Variants in CNTLN observed in about 807,000 individuals in gnomAD.
CNTLN encodes centlein, centrosomal protein.
In CNTLN, 212 loss-of-function variants were observed where a neutral mutation model predicts 180.0. The observed-to-expected ratio is 1.18, with a 90% CI of 1.05 to 1.32. CNTLN has a LOEUF of 1.32. Ranked by LOEUF, CNTLN falls within the 40% of genes most tolerant of loss-of-function variation. CNTLN has a pLI of 0.00. For missense variants in CNTLN, 2,095 were observed against 1,610.9 expected (o/e 1.30, Z -5.14); for synonymous variants, 722 against 563.1 (o/e 1.28, Z -3.99).
intron 5 of CNTLN, among the ~76,000 whole-genome samples, chr9:17,239,825 A>G (rs144619895): frequency 1.4e-4 from 22 of 152,264 alleles, no homozygotes; most frequent in Non-Finnish European, 1.8e-4. Flanking sequence ...TATTTGATCT[A>G]TACATCTGCC....
intron 5 of CNTLN, among the ~76,000 whole-genome samples, chr9:17,263,504 T>A (rs1351236717): frequency 6.7e-6 from 1 of 148,930 alleles, no homozygotes; most frequent in East Asian, 1.9e-4. Flanking sequence ...AATAAACATA[T>A]GTGTGCATGT....
At chr9:17,183,046 A>G (rs377148031) in intron 2 of CNTLN, among the ~76,000 whole-genome samples, 14 of 152,216 alleles carry the variant, frequency 9.2e-5, no homozygotes, top group African/African-American at 2.7e-4. Flanking sequence ...ATAGTATGAT[A>G]GAATCTGTAT....
intron 6 of CNTLN, among the ~76,000 whole-genome samples, chr9:17,293,792 G>A (rs1010855930): frequency 6.6e-6 from 1 of 152,124 alleles, no homozygotes; most frequent in Non-Finnish European, 1.5e-5. Flanking sequence ...CCCATTGGCT[G>A]CTGAGAGGCC....
chr9:17,406,512 C>T (rs1056547904), intron 15 of CNTLN, among the ~76,000 whole-genome samples: 1 of 151,698 alleles, frequency 6.6e-6, no homozygotes, highest in African/African-American at 2.4e-5. Flanking sequence ...CTAAGTTTTG[C>T]TTCAGTATTA....
At chr9:17,215,636 C>T (rs1440202067) in intron 2 of CNTLN, among the ~76,000 whole-genome samples, 1 of 152,148 alleles carries the variant, frequency 6.6e-6, no homozygotes, top group African/African-American at 2.4e-5. Context: ...TTTGGCTATG[C>T]CCTGCCCCCA....
At chr9:17,193,933 C>G (rs1821954988) in intron 2 of CNTLN, among the ~76,000 whole-genome samples, 1 of 152,252 alleles carries the variant, frequency 6.6e-6, no homozygotes, top group Non-Finnish European at 1.5e-5. Context: ...GACTTCTGTG[C>G]ACTTGCAGGC....
At chr9:17,299,665 A>T (rs984540387) in intron 7 of CNTLN, 8 of 983,256 alleles carry the variant, frequency 8.1e-6, no homozygotes, top group Non-Finnish European at 8.4e-6. Context: ...TTTTTGTTTT[A>T]TGGGGTGACA....
chr9:17,195,910 A>C lies in CNTLN; in HGVS notation c.450-30293A>C, dbSNP rs1587095775. Among the ~76,000 whole-genome samples the C allele has an allele frequency of 2.0e-5, 3 of 152,226 alleles. No individual in the cohort carries two copies. In the East Asian group the frequency reaches 5.8e-4, roughly 29 times the overall value. ...ATTTATTATAGCTTTACATGAAATC[A>C]GAACTTTTGGTGATCTACATAAGAT... On this transcript the variant is annotated intron_variant, in intron 2 of 25. Coordinates refer to ENST00000380647, the MANE Select transcript of CNTLN (RefSeq NM_017738.4).
At chr9:17,406,666 C>CT (rs1827418468) in intron 15 of CNTLN, among the ~76,000 whole-genome samples, 1 of 151,660 alleles carries the variant, frequency 6.6e-6, no homozygotes, top group Non-Finnish European at 1.5e-5. Context: ...ATTTATTGTG[C>CT]TTATTGTTTT....
At chr9:17,433,941 A>G (rs1014167903) in intron 18 of CNTLN, among the ~76,000 whole-genome samples, 6 of 152,190 alleles carry the variant, frequency 3.9e-5, no homozygotes, top group Non-Finnish European at 8.8e-5. Flanking sequence ...ATTTATGGAG[A>G]TGATAATAAG....
chr9:17,317,915 C>G (rs1238270153), intron 8 of CNTLN, among the ~76,000 whole-genome samples: 2 of 151,992 alleles, frequency 1.3e-5, no homozygotes, highest in Non-Finnish European at 2.9e-5. Flanking sequence ...AGATTTTACT[C>G]TGAGTGAAAT....
chr9:17,219,113 T>C (rs1179797014), intron 2 of CNTLN, among the ~76,000 whole-genome samples: 1 of 152,174 alleles, frequency 6.6e-6, no homozygotes, highest in Non-Finnish European at 1.5e-5. Flanking sequence ...TTCGCTTCAT[T>C]TTTCATTCTA....
chr9:17,330,695 G>A lies in CNTLN; in HGVS notation c.1405G>A (p.Glu469Lys). ...TLMVSQKSEIEYLQEKLKIAN... is the reference protein window; with the variant it reads ...TLMVSQKSEIKYLQEKLKIAN... ...AATGGTTTCACAGAAGTCTGAAATT[G>A]AGTATTTACAGGAGAAACTAAAGAT... The change falls in exon 9 of 26, where the codon GAG becomes AAG. Residue 469 changes from glutamate (E) to lysine (K), a missense_variant. Physicochemically the swap from Glu to Lys is moderately conservative, Grantham distance 56. Transcript: ENST00000380647. The A allele has an allele frequency of 6.2e-7, 1 of 1,611,396 alleles. No homozygotes were observed. Among genetic ancestry groups the A allele is most frequent in the East Asian group, 2.2e-5 (1 of 44,730 alleles).
intron 12 of CNTLN, among the ~76,000 whole-genome samples, chr9:17,350,312 C>T (rs1326764794): frequency 2.0e-5 from 3 of 152,156 alleles, no homozygotes; most frequent in Admixed American, 6.5e-5. Context: ...CTAAGTAAAT[C>T]AGAAATGTGC....
At chr9:17,189,536 T>G (rs1328954606) in intron 2 of CNTLN, among the ~76,000 whole-genome samples, 2 of 151,026 alleles carry the variant, frequency 1.3e-5, no homozygotes, top group African/African-American at 2.4e-5. Flanking sequence ...CAGGCTGGAG[T>G]GCAGTGGCGT....
chr9:17,285,689 TTG>T, intron 6 of CNTLN, among the ~76,000 whole-genome samples: 1 of 109,982 alleles, frequency 9.1e-6, no homozygotes, highest in South Asian at 4.3e-4. Context: ...TTTTTAATGA[TTG>T]CCATTCTAAC....
Position 17,220,891 on chromosome 9 carries a change from G to C in CNTLN, c.450-5312G>C, listed in dbSNP as rs541767848. Reference sequence around the variant, plus strand: ...TTCCATGTCTTTGCTATTGTAAACAGTGCTGCAGTGAATATATGGGTGCAT... The same window carrying C: ...TTCCATGTCTTTGCTATTGTAAACACTGCTGCAGTGAATATATGGGTGCAT... On this transcript the variant is annotated intron_variant, in intron 2 of 25. Transcript: ENST00000380647. Among the ~76,000 whole-genome samples the C allele has an allele frequency of 2.0e-5, 3 of 152,154 alleles. No individual in the cohort carries two copies. In the East Asian group the frequency reaches 5.8e-4, roughly 29 times the overall value.
chr9:17,379,966 A>T (rs1009954727), intron 13 of CNTLN, among the ~76,000 whole-genome samples: 15 of 152,132 alleles, frequency 9.9e-5, no homozygotes, highest in Non-Finnish European at 1.5e-4. Context: ...ATCCCACAAT[A>T]CCTCTGTCAA....
At chr9:17,279,117 CT>C (rs1828502496) in intron 6 of CNTLN, among the ~76,000 whole-genome samples, 1 of 151,968 alleles carries the variant, frequency 6.6e-6, no homozygotes, top group Non-Finnish European at 1.5e-5. Flanking sequence ...TACATTTCAT[CT>C]GTAGTTGATT....
Sources: gnomAD v4.1 joint callset for allele counts (sites outside exome capture counted in the v4.1 genomes callset) on GRCh38, gnomAD v4.1.1 for gene constraint, MANE v1.5 for transcripts, NCBI Gene and HGNC (gene_info 2026-07-23, HGNC 2026-07-21) for gene names.